KDM2B: variants seen among roughly 807,000 people sequenced by gnomAD.
The protein encoded by KDM2B is lysine demethylase 2B.
A neutral mutation model predicts 150.0 loss-of-function variants in KDM2B; 26 were observed. The observed-to-expected ratio is 0.17, with a 90% CI of 0.13 to 0.24. The LOEUF is 0.24. Ranked by LOEUF, KDM2B falls within the 10% of genes least tolerant of loss-of-function variation. The probability of loss-of-function intolerance (pLI) is 1.00; values close to 1 mark genes in which losing one functional copy is unlikely to be tolerated. For missense variants in KDM2B, 1,265 were observed against 1,816.9 expected, an observed-to-expected ratio of 0.70 and a Z score of 5.52; for synonymous variants, 734 against 729.5, an observed-to-expected ratio of 1.01 and a Z score of -0.10.
At chr12:121,457,739 TACACACAC>T (rs138823282) in intron 12 of KDM2B, among the ~76,000 whole-genome samples, 3,014 of 145,086 alleles carry the variant, frequency 0.021, 99 homozygotes, top group African/African-American at 0.071. Context: ...ATCGGAAACA[TACACACAC>T]ACACACACAC....
intron 4 of KDM2B, among the ~76,000 whole-genome samples, chr12:121,550,862 A>C (rs1437941115): frequency 1.3e-5 from 2 of 152,154 alleles, no homozygotes; most frequent in African/African-American, 4.8e-5. Flanking sequence ...CGGAGGGGGA[A>C]AAATCAAAAG....
At chr12:121,417,503 G>C in the KDM2B span, 3 of 1,608,030 alleles carry the variant, frequency 1.9e-6, no homozygotes, top group Non-Finnish European at 2.6e-6. This position sits in a 1 kb window ranked among gnomAD's most constrained non-coding sequence, Gnocchi z 5.0. Context: ...TCTTTCTTCA[G>C]CATGTTTGCT....
intron 11 of KDM2B, among the ~76,000 whole-genome samples, chr12:121,495,038 C>T (rs1883773369): frequency 6.6e-6 from 1 of 150,566 alleles, no homozygotes; most frequent in Admixed American, 6.6e-5. Context: ...TGCTCTGTCA[C>T]CCAGGCCGGA....
chr12:121,482,204 G>T (rs1336476632), intron 12 of KDM2B, among the ~76,000 whole-genome samples: 2 of 152,182 alleles, frequency 1.3e-5, no homozygotes, highest in African/African-American at 4.8e-5. Flanking sequence ...CAGTAAAATG[G>T]TTCTAAAACA....
chr12:121,471,841 T>C (rs1555295963), intron 12 of KDM2B, among the ~76,000 whole-genome samples: 1 of 152,158 alleles, frequency 6.6e-6, no homozygotes, highest in East Asian at 1.9e-4. Context: ...TTTGTAAACA[T>C]GCCCCTAAGA....
rs1344925968 is a variant in KDM2B at position 121,516,537 on chromosome 12, T to A, written c.1048-3135A>T. 2.8e-6 allele frequency: 4 copies of A among 1,435,180 alleles called. No individual in the cohort carries two copies. The African/African-American group carries it at 5.7e-5, about 21-fold the overall frequency. 88.9% of individuals were successfully genotyped at this position (1,435,180 alleles called of 1,614,324 possible). A position where few individuals can be genotyped will look rare whatever the true frequency, so the allele number is the denominator to read the frequency against. On this transcript the variant is annotated intron_variant, in intron 9 of 22. Transcript: ENST00000377071. Reference sequence around the variant, plus strand: ...GCCACATGCCTGGGGACATTAAACATACGGTTGCTCAACATTATTTGTTGA... The same window carrying A: ...GCCACATGCCTGGGGACATTAAACAAACGGTTGCTCAACATTATTTGTTGA...
chr12:121,448,074 T>C (rs1334603287), intron 13 of KDM2B, among the ~76,000 whole-genome samples: 1 of 152,150 alleles, frequency 6.6e-6, no homozygotes, highest in Non-Finnish European at 1.5e-5. Flanking sequence ...ATCCCAGCAC[T>C]TTGGGAGGCC....
intron 8 of KDM2B, among the ~76,000 whole-genome samples, chr12:121,531,622 T>C (rs780398866): frequency 7.2e-5 from 11 of 152,172 alleles, no homozygotes; most frequent in Non-Finnish European, 1.5e-4. Context: ...CTATACTCCT[T>C]TCAGGAGACA....
At chr12:121,573,324 C>A (rs1891255998) in intron 4 of KDM2B, among the ~76,000 whole-genome samples, 1 of 150,564 alleles carries the variant, frequency 6.6e-6, no homozygotes, top group Non-Finnish European at 1.5e-5. Context: ...ACTCTGTTAC[C>A]TAGGCTGGAG....
chr12:121,431,985 G>A (rs782533340), intron 22 of KDM2B, among the ~76,000 whole-genome samples: 25 of 147,040 alleles, frequency 1.7e-4, no homozygotes, highest in Admixed American at 6.3e-4. Flanking sequence ...CCAGGTTCAA[G>A]CGATTCTGCC....
At chr12:121,500,898 C>T (rs952221843) in intron 11 of KDM2B, among the ~76,000 whole-genome samples, 3 of 152,136 alleles carry the variant, frequency 2.0e-5, no homozygotes, top group African/African-American at 4.8e-5. Flanking sequence ...GCAAAGAGTT[C>T]GAGACCAGCC....
At chr12:121,573,171 C>G (rs1370229943) in intron 4 of KDM2B, among the ~76,000 whole-genome samples, 9 of 147,994 alleles carry the variant, frequency 6.1e-5, no homozygotes, top group African/African-American at 2.3e-4. Flanking sequence ...GTTGCCCAGG[C>G]TGGTCTCAAA....
intron 12 of KDM2B, among the ~76,000 whole-genome samples, chr12:121,466,829 G>A (rs1274834758): frequency 1.4e-5 from 2 of 145,806 alleles, no homozygotes; most frequent in Admixed American, 6.8e-5. Context: ...CGCGCCCCGC[G>A]GCCGCCGGCA....
chr12:121,467,252 G>A lies in KDM2B; in HGVS notation c.1735-13908C>T. 1.0e-6 allele frequency: 1 copy of A among 993,956 alleles called. No homozygotes were observed. The highest frequency in any genetic ancestry group is 4.0e-5 in the South Asian group (1 of 24,766). The allele number at this position is 993,956 out of a possible 1,614,324, so 61.6% of individuals were successfully genotyped here. A position where few individuals can be genotyped will look rare whatever the true frequency, so the allele number is the denominator to read the frequency against. On this transcript the variant is annotated intron_variant, in intron 12 of 22. Transcript: ENST00000377071. The surrounding 1 kb of genome is among the most constrained non-coding windows in gnomAD (Gnocchi z 5.1). ...CAGGCTCGCGCGCGCTGACATGGCTGGAGCGGCGCCGCCGCCGCCGCCCGC... is the reference window on the plus strand; with the variant it reads ...CAGGCTCGCGCGCGCTGACATGGCTAGAGCGGCGCCGCCGCCGCCGCCCGC...
intron 22 of KDM2B, among the ~76,000 whole-genome samples, chr12:121,435,986 A>G (rs1418068537): frequency 6.6e-6 from 1 of 152,200 alleles, no homozygotes; most frequent in Non-Finnish European, 1.5e-5. Flanking sequence ...CACTGACAGC[A>G]TTTGAAGGGA....
intron 9 of KDM2B, among the ~76,000 whole-genome samples, chr12:121,517,880 A>T (rs1886360470): frequency 6.6e-6 from 1 of 151,776 alleles, no homozygotes; most frequent in Non-Finnish European, 1.5e-5. Context: ...GCCATGTTTT[A>T]GGACTCTTAA....
intron 12 of KDM2B, among the ~76,000 whole-genome samples, chr12:121,480,583 CA>C (rs35490517): frequency 0.36 from 22,881 of 62,728 alleles, 1,227 homozygotes; most frequent in South Asian, 0.43. Flanking sequence ...CTGTCGCTAC[CA>C]AAAAAAAAAA....
downstream of KDM2B, chr12:121,428,988 T>C (rs1872661603): frequency 6.6e-6 from 1 of 152,308 alleles, no homozygotes; most frequent in Non-Finnish European, 1.5e-5. Flanking sequence ...GTTGTCAGAG[T>C]ATAGCTCTTT....
chr12:121,488,368 C>T (rs1413155466), intron 12 of KDM2B, among the ~76,000 whole-genome samples: 3 of 152,160 alleles, frequency 2.0e-5, no homozygotes, highest in Admixed American at 6.5e-5. Context: ...TTACGAAAAA[C>T]TAGACTAGCA....
Sources: allele counts gnomAD v4.1 joint callset (sites outside exome capture counted in the v4.1 genomes callset), GRCh38; gene constraint gnomAD v4.1.1; non-coding constraint Gnocchi (gnomAD v3.1); transcripts MANE v1.5; gene names NCBI Gene and HGNC (gene_info 2026-07-23, HGNC 2026-07-21).